The following TOR1AIP2 variants were observed in gnomAD, a reference collection of about 807,000 sequenced individuals.
TOR1AIP2 encodes the protein torsin 1A interacting protein 2.
A neutral mutation model predicts 32.6 loss-of-function variants in TOR1AIP2; 20 were observed. That is an observed-to-expected ratio of 0.61 (90% CI 0.43 to 0.89). The LOEUF is 0.89. TOR1AIP2 is among the 40% of genes least tolerant of loss of function. The probability of loss-of-function intolerance (pLI) is 0.00; values close to 1 mark genes in which losing one functional copy is unlikely to be tolerated. For missense variants in TOR1AIP2, 456 were observed against 553.8 expected (o/e 0.82, Z 1.77); for synonymous variants, 214 against 210.8 (o/e 1.02, Z -0.13).
intron 3 of TOR1AIP2, chr1:179,861,466 T>C: frequency 1.0e-6 from 1 of 985,392 alleles, no homozygotes; most frequent in Non-Finnish European, 1.2e-6. Flanking sequence ...ATAACAGGTA[T>C]GTGATGTTTG....
chr1:179,861,133 A>T (rs1030381389), intron 3 of TOR1AIP2: 1 of 985,386 alleles, frequency 1.0e-6, no homozygotes, highest in African/African-American at 1.7e-5. Flanking sequence ...AAATGCTACC[A>T]TAACATATAA....
Position 179,847,608 on chromosome 1 carries a change from T to C in TOR1AIP2, c.582A>G (p.Gln194=). The part of the protein sequence containing the change: ...PEAGSHPQQT[Q]KLEEIKENAQ... ...CATTCTCTTTAATTTCTTCCAATTT[T>C]TGTGTTTGTTGTGGATGACTTCCAG... The change falls in exon 6 of 7, where the codon CAA becomes CAG. Residue 194 remains glutamine, a synonymous_variant. Transcript: ENST00000609928. 1 of 1,613,988 alleles carries C rather than the reference T, an allele frequency of 6.2e-7. No individual in the cohort carries two copies. The highest frequency in any genetic ancestry group is 8.5e-7 in the Non-Finnish European group (1 of 1,179,882).
In TOR1AIP2 at chr1:179,852,659, C is replaced by T. The variant is rs141367403; in HGVS notation, c.7G>A (p.Asp3Asn). 26 of 1,613,898 alleles carry T rather than the reference C, an allele frequency of 1.6e-5. No homozygotes were observed. Among genetic ancestry groups the T allele is most frequent in the African/African-American group, 1.6e-4 (12 of 74,904 alleles). Residue 3 changes from aspartate (D) to asparagine (N), a missense_variant, in exon 4 of 7, where the codon GAC (aspartate) becomes AAC (asparagine). Coordinates refer to ENST00000609928, the MANE Select transcript of TOR1AIP2 (RefSeq NM_001199260.2). MA[D>N]SGLREPQEDS... is the part of the protein sequence containing the mutation. The stretch of plus-strand genomic sequence containing the variant: ...TCTTGAGGTTCCCTAAGTCCACTGT[C>T]GGCCATGTTTGTGTTCTATCTCTTC...
At chr1:179,872,161 T>C (rs547879147) in intron 2 of TOR1AIP2, among the ~76,000 whole-genome samples, 1 of 152,334 alleles carries the variant, frequency 6.6e-6, no homozygotes, top group African/African-American at 2.4e-5. Context: ...GAAACAGGTG[T>C]GTATGCATTG....
chr1:179,862,208 T>C (rs1571683069), intron 3 of TOR1AIP2: 2 of 983,064 alleles, frequency 2.0e-6, no homozygotes, highest in South Asian at 4.7e-5. Flanking sequence ...ACAAAAACCT[T>C]TTCTCTATTT....
intron 3 of TOR1AIP2, among the ~76,000 whole-genome samples, chr1:179,858,123 C>T (rs781577594): frequency 2.6e-5 from 4 of 151,454 alleles, no homozygotes; most frequent in Non-Finnish European, 5.9e-5. Flanking sequence ...CCACTGCAAT[C>T]CAGCCTGAGT....
intron 3 of TOR1AIP2, chr1:179,860,637 G>A (rs953709653): frequency 7.1e-6 from 7 of 985,010 alleles, no homozygotes; most frequent in Non-Finnish European, 8.4e-6. Context: ...AACAGTATGA[G>A]GTAGGTATTA....
chr1:179,858,949 A>G (rs1451185832), intron 3 of TOR1AIP2: 1 of 866,410 alleles, frequency 1.2e-6, no homozygotes, highest in Admixed American at 6.2e-5. Flanking sequence ...TTAGCAGCCA[A>G]GAAGAGCACA....
chr1:179,860,502 GTAAGACTCTA>G (rs894246329), intron 3 of TOR1AIP2: 1 of 985,264 alleles, frequency 1.0e-6, no homozygotes, highest in African/African-American at 1.7e-5. Flanking sequence ...AACAAAACAA[GTAAGACTCTA>G]CCTTATTCCC....
At chr1:179,864,574 C>T (rs1368785366) in intron 3 of TOR1AIP2, 8 of 1,306,990 alleles carry the variant, frequency 6.1e-6, no homozygotes, top group Non-Finnish European at 7.7e-6. Flanking sequence ...ACAGATTAGC[C>T]TCAGTCTAGA....
intron 2 of TOR1AIP2, among the ~76,000 whole-genome samples, chr1:179,871,583 G>A (rs1697012837): frequency 6.6e-6 from 1 of 152,108 alleles, no homozygotes; most frequent in African/African-American, 2.4e-5. Flanking sequence ...GTCTGGATTG[G>A]AATGACTTTT....
chr1:179,846,259 C>G lies in TOR1AIP2; in HGVS notation c.1225G>C (p.Val409Leu). ...TTTTCTTCCGTTTCCCTTGGGCCTA[C>G]ACTTGCTTCTAATGTTTCCTCCTCT... is the stretch of plus-strand genomic sequence containing the variant. ...LLEEETLEASVGPRETEEKVR... is the reference protein window; with the variant it reads ...LLEEETLEASLGPRETEEKVR... Residue 409 changes from valine to leucine, a missense_variant, in exon 7 of 7, where the codon GTA (valine) becomes CTA (leucine). By Grantham distance (32) the Val-to-Leu change is conservative. Coordinates refer to ENST00000609928, the MANE Select transcript of TOR1AIP2 (RefSeq NM_001199260.2). 6.2e-7 allele frequency: 1 copy of G among 1,614,216 alleles called. No homozygotes were observed. The highest frequency in any genetic ancestry group is 8.5e-7 in the Non-Finnish European group (1 of 1,180,046).
chr1:179,874,445 A>C (rs184787777), intron 2 of TOR1AIP2: 1 of 152,186 alleles, frequency 6.6e-6, no homozygotes, highest in Non-Finnish European at 1.5e-5. Context: ...ATAGTTATAA[A>C]GTACCTTTAT....
In TOR1AIP2 at chr1:179,845,575, C is replaced by T. The variant is rs1695871506; in HGVS notation, c.*496G>A. On this transcript the variant is annotated 3_prime_UTR_variant, in exon 7 of 7. Coordinates refer to ENST00000609928, the MANE Select transcript of TOR1AIP2 (RefSeq NM_001199260.2). The stretch of plus-strand genomic sequence containing the variant: ...CTGCAAAATTAATATAAGATATAAT[C>T]CCGTAACTTTAGATTATTAAAGTAA... 1 of 152,738 alleles carries T rather than the reference C, an allele frequency of 6.5e-6. No homozygotes were observed. The highest frequency in any genetic ancestry group is 2.4e-5 in the African/African-American group (1 of 41,416). 9.5% of individuals were successfully genotyped at this position (152,738 alleles called of 1,614,324 possible).
rs182200636 is a variant in TOR1AIP2 at position 179,847,434 on chromosome 1, C to T, written c.655+101G>A. On this transcript the variant is annotated intron_variant, in intron 6 of 6. Coordinates refer to ENST00000609928, the MANE Select transcript of TOR1AIP2 (RefSeq NM_001199260.2). ...CAATCATTAAATAAGTATATATAAACACAATGTTAAAACTGTTTAAATCTG... is the reference window on the plus strand; with the variant it reads ...CAATCATTAAATAAGTATATATAAATACAATGTTAAAACTGTTTAAATCTG... 263 of 810,690 alleles carry T rather than the reference C, an allele frequency of 3.2e-4. No individual in the cohort carries two copies. In the African/African-American group the frequency reaches 4.2e-3, roughly 13 times the overall value. The allele number at this position is 810,690 out of a possible 1,614,324, so 50.2% of individuals were successfully genotyped here.
intron 2 of TOR1AIP2, among the ~76,000 whole-genome samples, chr1:179,869,791 A>G (rs1696940890): frequency 6.6e-6 from 1 of 152,058 alleles, no homozygotes; most frequent in African/African-American, 2.4e-5. Flanking sequence ...CCTTTGTACA[A>G]ATTAGAAAAA....
intron 2 of TOR1AIP2, chr1:179,868,060 T>A (rs1167492342): frequency 6.6e-6 from 1 of 152,192 alleles, no homozygotes; most frequent in Non-Finnish European, 1.5e-5. Flanking sequence ...CTAACCCCTA[T>A]CCCCACCCCA....
In TOR1AIP2 at chr1:179,844,504, T is replaced by C. The variant is rs1465102230; in HGVS notation, c.*1567A>G. On this transcript the variant is annotated 3_prime_UTR_variant, in exon 7 of 7. Transcript: ENST00000609928. ...AATCCAGGATTATGGTAATAGTCTA[T>C]ATAATGGAACAGACCCTTTGTTAGG... The C allele has an allele frequency of 6.6e-6, 1 of 152,226 alleles. No individual in the cohort carries two copies. The highest frequency in any genetic ancestry group is 1.5e-5 in the Non-Finnish European group (1 of 68,040). The allele number at this position is 152,226 out of a possible 1,614,324, so 9.4% of individuals were successfully genotyped here.
chr1:179,874,934 C>G (rs1463923920), intron 2 of TOR1AIP2: 2 of 152,474 alleles, frequency 1.3e-5, no homozygotes, highest in African/African-American at 4.8e-5. Context: ...CTGCCTAGAC[C>G]TGAATGACTG....
Sources: allele counts gnomAD v4.1 joint callset (sites outside exome capture counted in the v4.1 genomes callset), GRCh38; gene constraint gnomAD v4.1.1; transcripts MANE v1.5; gene names NCBI Gene and HGNC (gene_info 2026-07-23, HGNC 2026-07-21).